Variants in DIP2C observed in about 807,000 individuals in gnomAD.
DIP2C encodes disco-interacting protein 2 homolog C.
DIP2C carries 33 observed loss-of-function variants against 192.4 expected under a neutral mutation model. The ratio of observed to expected loss-of-function variants is 0.17; its 90% confidence interval spans 0.13 to 0.23. The LOEUF (loss-of-function observed/expected upper bound fraction) is 0.23, where lower values mean the gene tolerates loss of function less well. Among genes scored for constraint, DIP2C ranks in the 10% least tolerant of loss-of-function variants. The probability of loss-of-function intolerance (pLI) is 1.00; values close to 1 mark genes in which losing one functional copy is unlikely to be tolerated. For synonymous variants in DIP2C, 979 were observed against 864.1 expected, an observed-to-expected ratio of 1.13 and a Z score of -2.33; for missense variants, 1,537 against 2,110.1, an observed-to-expected ratio of 0.73 and a Z score of 5.32.
intron 1 of DIP2C, among the ~76,000 whole-genome samples, chr10:562,935 T>C (rs1307410415): frequency 6.6e-6 from 1 of 152,214 alleles, no homozygotes; most frequent in African/African-American, 2.4e-5. Flanking sequence ...TATAGCTAAA[T>C]ACTCTTCTGT....
chr10:347,484 T>C (rs1305085392), intron 26 of DIP2C, among the ~76,000 whole-genome samples: 5 of 21,962 alleles, frequency 2.3e-4, no homozygotes, highest in Admixed American at 5.3e-4. Context: ...AACCCCACAC[T>C]CACCCGGACA....
intron 31 of DIP2C, among the ~76,000 whole-genome samples, chr10:317,012 C>T (rs113566705): frequency 3.9e-5 from 6 of 152,080 alleles, no homozygotes; most frequent in South Asian, 2.1e-4. Flanking sequence ...ATTGTTCCGA[C>T]GGTTATGGTT....
At chr10:563,366 T>TA (rs1005091542) in intron 1 of DIP2C, among the ~76,000 whole-genome samples, 2 of 152,158 alleles carry the variant, frequency 1.3e-5, no homozygotes, top group Non-Finnish European at 2.9e-5. Context: ...CCCGATCCTT[T>TA]AAAAAACCTC....
chr10:464,383 GA>G lies in DIP2C; in HGVS notation c.268+8055del, dbSNP rs376425011. On this transcript the variant is annotated intron_variant, in intron 3 of 36. Transcript: ENST00000280886. ...GACATTTATGTGGCCAACAAACTTA[GA>G]AAAAAAAAAAAGCTCATCATCACTG... is the stretch of plus-strand genomic sequence containing the variant. Among the ~76,000 whole-genome samples, 691 of 135,288 alleles carry G rather than the reference GA, an allele frequency of 5.1e-3. 3 individuals are homozygous for G. The highest frequency in any genetic ancestry group is 0.016 in the South Asian group (67 of 4,318). The allele number at this position is 135,288 out of a possible 152,430, so 88.8% of individuals were successfully genotyped here.
chr10:320,543 G>A (rs1956960272), intron 31 of DIP2C, among the ~76,000 whole-genome samples: 1 of 151,642 alleles, frequency 6.6e-6, no homozygotes, highest in South Asian at 2.1e-4. Context: ...TCAGTACTTT[G>A]ACAAAATGTA....
intron 1 of DIP2C, among the ~76,000 whole-genome samples, chr10:568,112 G>A (rs2095984610): frequency 6.6e-6 from 1 of 152,190 alleles, no homozygotes; most frequent in African/African-American, 2.4e-5. Context: ...GCTCCACTCA[G>A]CCTTGTTGTG....
intron 1 of DIP2C, among the ~76,000 whole-genome samples, chr10:590,178 G>A (rs1027903171): frequency 6.6e-6 from 1 of 152,240 alleles, no homozygotes; most frequent in African/African-American, 2.4e-5. Flanking sequence ...CCCCACCACT[G>A]AGCCTCTGCG....
chr10:512,008 A>C (rs1017435179), intron 1 of DIP2C, among the ~76,000 whole-genome samples: 7 of 152,118 alleles, frequency 4.6e-5, no homozygotes, highest in African/African-American at 1.2e-4. Flanking sequence ...TGAGCACCAC[A>C]ATCACCTCTC....
intron 1 of DIP2C, among the ~76,000 whole-genome samples, chr10:604,438 G>A (rs1267115854): frequency 1.3e-5 from 2 of 152,208 alleles, no homozygotes; most frequent in Admixed American, 6.5e-5. Flanking sequence ...CAGAATCAAT[G>A]TAACTCAACA....
In DIP2C at chr10:281,304, G is replaced by A. The variant is rs766542518; in HGVS notation, c.4314C>T (p.Tyr1438=). 4.3e-5 allele frequency: 69 copies of A among 1,612,616 alleles called. No homozygotes were observed. The highest frequency in any genetic ancestry group is 9.9e-5 in the South Asian group (9 of 91,064). The part of the protein sequence containing the change: ...DANGERHDAL[Y]VVGALDEAME... ...TGGCTTCGTCCAGTGCCCCTACCAC[G>A]TAGAGGGCATCATGGCGCTCTGTGG... The change falls in exon 36 of 37, where the codon TAC becomes TAT. Residue 1438 remains tyrosine, a synonymous_variant. Transcript: ENST00000280886.
Position 560,044 on chromosome 10 carries a change from C to T in DIP2C, c.86-73514G>A, listed in dbSNP as rs542888279. 2.0e-5 allele frequency among the ~76,000 whole-genome samples: 3 copies of T among 151,982 alleles called. No individual in the cohort carries two copies. The East Asian group carries it at 5.8e-4, about 29-fold the overall frequency. ...CCACCCCCTCCGGTTCTCACCTCTC[C>T]CTCCTGCCCTGTCACAGACACCCAG... On this transcript the variant is annotated intron_variant, in intron 1 of 36. Transcript: ENST00000280886.
At chr10:593,240 G>A (rs528785253) in intron 1 of DIP2C, among the ~76,000 whole-genome samples, 10 of 152,160 alleles carry the variant, frequency 6.6e-5, no homozygotes, top group East Asian at 1.9e-4. Context: ...TGGTCTCATC[G>A]TCATCTGGGG....
At chr10:405,254 C>T (rs1167474010) in intron 9 of DIP2C, among the ~76,000 whole-genome samples, 1 of 152,216 alleles carries the variant, frequency 6.6e-6, no homozygotes, top group African/African-American at 2.4e-5. Flanking sequence ...CCTCTCCCAG[C>T]TCCTGTTGCC....
At chr10:342,004 A>G (rs1033467462) in intron 28 of DIP2C, among the ~76,000 whole-genome samples, 5 of 152,186 alleles carry the variant, frequency 3.3e-5, no homozygotes, top group African/African-American at 7.2e-5. Context: ...TGTCTGGGGA[A>G]TGTGAGTGGC....
At chr10:372,971 G>A (rs1188133158) in intron 17 of DIP2C, among the ~76,000 whole-genome samples, 1 of 152,236 alleles carries the variant, frequency 6.6e-6, no homozygotes, top group Admixed American at 6.5e-5. Flanking sequence ...TGTGCCAAAT[G>A]GTTCTGACTC....
At chr10:320,782 C>T (rs1956969988) in intron 31 of DIP2C, among the ~76,000 whole-genome samples, 2 of 152,140 alleles carry the variant, frequency 1.3e-5, no homozygotes, top group African/African-American at 4.8e-5. Context: ...AAAGAAAAAA[C>T]TGTGTTCTGT....
intron 1 of DIP2C, among the ~76,000 whole-genome samples, chr10:644,867 T>A (rs753082490): frequency 6.6e-6 from 1 of 152,234 alleles, no homozygotes; most frequent in Non-Finnish European, 1.5e-5. Context: ...AGCACCAGCA[T>A]CTGTGAAACA....
At chr10:670,767 G>C (rs888275968) in intron 1 of DIP2C, among the ~76,000 whole-genome samples, 7 of 152,138 alleles carry the variant, frequency 4.6e-5, no homozygotes, top group African/African-American at 1.7e-4. Context: ...GCTTTACCAT[G>C]CAAATCACAG....
At chr10:663,207 C>T (rs1454804066) in intron 1 of DIP2C, 4 of 351,566 alleles carry the variant, frequency 1.1e-5, no homozygotes, top group Admixed American at 4.5e-5. Flanking sequence ...GGAGATGGTA[C>T]AAGAAAGCAA....
Sources: allele counts gnomAD v4.1 joint callset (sites outside exome capture counted in the v4.1 genomes callset), GRCh38; gene constraint gnomAD v4.1.1; transcripts MANE v1.5; gene names NCBI Gene and HGNC (gene_info 2026-07-23, HGNC 2026-07-21).